ZNF714: variants seen among roughly 807,000 people sequenced by gnomAD.
The protein encoded by ZNF714 is zinc finger protein 714.
A neutral mutation model predicts 46.2 loss-of-function variants in ZNF714; 32 were observed. That is an observed-to-expected ratio of 0.69 (90% CI 0.52 to 0.93). The LOEUF is 0.93. ZNF714 is among the 40% of genes least tolerant of loss of function. The probability of loss-of-function intolerance (pLI) is 0.00; values close to 1 mark genes in which losing one functional copy is unlikely to be tolerated. For missense variants in ZNF714, 635 were observed against 646.3 expected (o/e 0.98, Z 0.19); for synonymous variants, 199 against 213.1 (o/e 0.93, Z 0.58).
At chr19:21,094,760 C>G (rs898701506) in intron 2 of ZNF714, among the ~76,000 whole-genome samples, 15 of 152,202 alleles carry the variant, frequency 9.9e-5, no homozygotes, top group Non-Finnish European at 2.2e-4. Context: ...CTCATGACCT[C>G]AAGTGATCTG....
intron 4 of ZNF714, among the ~76,000 whole-genome samples, chr19:21,116,538 G>A (rs1969599307): frequency 6.6e-6 from 1 of 152,090 alleles, no homozygotes; most frequent in Non-Finnish European, 1.5e-5. Flanking sequence ...CAAAGGTAAT[G>A]GACTTTTCTT....
Position 21,118,729 on chromosome 19 carries a change from C to T in ZNF714, c.*397C>T, listed in dbSNP as rs1969660999. The T allele has an allele frequency of 4.7e-6, 1 of 210,578 alleles. No individual in the cohort carries two copies. Among genetic ancestry groups the T allele is most frequent in the Non-Finnish European group, 9.9e-6 (1 of 100,872 alleles). 13.0% of individuals were successfully genotyped at this position (210,578 alleles called of 1,614,324 possible). ...AATTCTTAACAGACATAACATAATT[C>T]ATACTGGAAAGAAACTCTGCAAACC... On this transcript the variant is annotated 3_prime_UTR_variant, in exon 5 of 5. Coordinates refer to ENST00000456283, the MANE Select transcript of ZNF714 (RefSeq NM_182515.4).
At chr19:21,116,742 G>T in intron 4 of ZNF714, 65 bp from the exon 5 acceptor site, 1 of 1,499,052 alleles carries the variant, frequency 6.7e-7, no homozygotes, top group Non-Finnish European at 8.9e-7. Flanking sequence ...ATATAGGTTA[G>T]ATTTGTAAAG....
intron 4 of ZNF714, among the ~76,000 whole-genome samples, chr19:21,100,544 A>C (rs899947017): frequency 6.6e-6 from 1 of 152,104 alleles, no homozygotes; most frequent in Non-Finnish European, 1.5e-5. Flanking sequence ...ATAAAACAAA[A>C]AGATTTTTTA....
At chr19:21,103,974 G>A (rs1239648520) in intron 4 of ZNF714, among the ~76,000 whole-genome samples, 1 of 152,130 alleles carries the variant, frequency 6.6e-6, no homozygotes, top group African/African-American at 2.4e-5. Flanking sequence ...TACATCTTGT[G>A]AAACTAAAAC....
chr19:21,110,759 TTGTATAAG>T (rs1163477191), intron 4 of ZNF714, among the ~76,000 whole-genome samples: 1 of 152,236 alleles, frequency 6.6e-6, no homozygotes, highest in Non-Finnish European at 1.5e-5. Flanking sequence ...GAGTTAATTT[TTGTATAAG>T]TGTAAGAAAG....
rs967567618 is a variant in ZNF714 at position 21,123,717 on chromosome 19, A to G, written c.*5385A>G. 1 of 152,204 alleles carries G rather than the reference A, an allele frequency of 6.6e-6. No homozygotes were observed. Among genetic ancestry groups the G allele is most frequent in the African/African-American group, 2.4e-5 (1 of 41,444 alleles). The allele number at this position is 152,204 out of a possible 1,614,324, so 9.4% of individuals were successfully genotyped here. On this transcript the variant is annotated 3_prime_UTR_variant, in exon 5 of 5. Transcript: ENST00000456283. ...TTACATTTCCGTGCAGAATCTTTTAAGTGTGGTGGTAAAGATTGCAAAATA... is the reference window on the plus strand; with the variant it reads ...TTACATTTCCGTGCAGAATCTTTTAGGTGTGGTGGTAAAGATTGCAAAATA...
At chr19:21,091,596 C>T (rs1336825471) in intron 2 of ZNF714, 2 of 151,884 alleles carry the variant, frequency 1.3e-5, no homozygotes, top group Middle Eastern at 3.2e-3. Context: ...TTTCCATAAA[C>T]TATTTCTAGA....
Position 21,117,437 on chromosome 19 carries a change from A to G in ZNF714, c.773A>G (p.Lys258Arg), listed in dbSNP as rs1969624600. Reference sequence around the variant, plus strand: ...ATTCATACTGGAGAGAAGCCCTTCAAATGTGAAGAATGTGGTAAAGCTTTT... The same window carrying G: ...ATTCATACTGGAGAGAAGCCCTTCAGATGTGAAGAATGTGGTAAAGCTTTT... ...KVIHTGEKPF[K>R]CEECGKAFNH... The change falls in exon 5 of 5, where the codon AAA becomes AGA. Residue 258 changes from lysine to arginine, a missense_variant. Transcript: ENST00000456283. 1 of 1,612,612 alleles carries G rather than the reference A, an allele frequency of 6.2e-7. No homozygotes were observed. The highest frequency in any genetic ancestry group is 1.1e-5 in the South Asian group (1 of 90,974).
chr19:21,109,406 AT>A lies in ZNF714; in HGVS notation c.143-7400del, dbSNP rs560068246. ...TAGTTTTTTGTACCTTTTTCTGTAG[AT>A]ACAATTTTTTGCCCTGTTGTCTAGG... On this transcript the variant is annotated intron_variant, in intron 4 of 4. Coordinates refer to ENST00000456283, the MANE Select transcript of ZNF714 (RefSeq NM_182515.4). 1.2e-4 allele frequency among the ~76,000 whole-genome samples: 18 copies of A among 152,148 alleles called. No individual in the cohort carries two copies. The East Asian group carries it at 3.3e-3, about 28-fold the overall frequency.
At chr19:21,083,872 GGTC>G in intron 1 of ZNF714, 103 bp from the exon 2 acceptor site, 1 of 426,582 alleles carries the variant, frequency 2.3e-6, no homozygotes, top group Non-Finnish European at 3.7e-6. Flanking sequence ...GTTTTTTTCT[GGTC>G]GTGGGTTTCA....
chr19:21,086,270 C>T (rs1357264356), intron 2 of ZNF714, among the ~76,000 whole-genome samples: 1 of 152,078 alleles, frequency 6.6e-6, no homozygotes, highest in Non-Finnish European at 1.5e-5. Context: ...AATTCAAGCC[C>T]CACAAGAGGG....
chr19:21,103,905 G>GT (rs1234745512), intron 4 of ZNF714, among the ~76,000 whole-genome samples: 3 of 152,048 alleles, frequency 2.0e-5, no homozygotes, highest in Admixed American at 2.0e-4. Flanking sequence ...AAAAGAAGCT[G>GT]TACATTTCAG....
At chr19:21,104,992 TA>T (rs1969276454) in intron 4 of ZNF714, among the ~76,000 whole-genome samples, 1 of 151,728 alleles carries the variant, frequency 6.6e-6, no homozygotes, top group Middle Eastern at 3.2e-3. Context: ...CATTTGGGTA[TA>T]TTTTTTGATG....
intron 2 of ZNF714, among the ~76,000 whole-genome samples, chr19:21,088,816 A>G (rs1270675519): frequency 6.6e-6 from 1 of 152,198 alleles, no homozygotes; most frequent in African/African-American, 2.4e-5. Context: ...CTATGGCTTA[A>G]TAAGTAAACA....
rs942358930 is a variant in ZNF714, at chr19:21,116,734, A to G, written c.143-73A>G. 23 of 1,470,214 alleles carry G rather than the reference A, an allele frequency of 1.6e-5. No individual in the cohort carries two copies. In the South Asian group the frequency reaches 2.7e-4, roughly 17 times the overall value. 91.1% of individuals were successfully genotyped at this position (1,470,214 alleles called of 1,614,324 possible). ...ATCTTGCTTATGTAGTTTGTATAAT[A>G]TAGGTTAGATTTGTAAAGTATGTTT... On this transcript the variant is annotated intron_variant, in intron 4 of 4. Coordinates refer to ENST00000456283, the MANE Select transcript of ZNF714 (RefSeq NM_182515.4).
At position 21,122,172 on chromosome 19, in the gene ZNF714, A is replaced by G. The variant is rs1969714593; in HGVS notation, c.*3840A>G. On this transcript the variant is annotated 3_prime_UTR_variant, in exon 5 of 5. Transcript: ENST00000456283. ...ATAAGTCATGAGGATGTTTTTATATATAAATGTAGCAAACATACATTACAG... is the reference window on the plus strand; with the variant it reads ...ATAAGTCATGAGGATGTTTTTATATGTAAATGTAGCAAACATACATTACAG... 1 of 152,348 alleles carries G rather than the reference A, an allele frequency of 6.6e-6. No individual in the cohort carries two copies. Among genetic ancestry groups the G allele is most frequent in the Middle Eastern group, 3.4e-3 (1 of 294 alleles). The allele number at this position is 152,348 out of a possible 1,614,324, so 9.4% of individuals were successfully genotyped here.
rs61740552 is a variant in ZNF714 at position 21,117,215 on chromosome 19, G to A, written c.551G>A (p.Arg184Gln). The change falls in exon 5 of 5, where the codon CGG (arginine) becomes CAG (glutamine). Residue 184 changes from arginine (R) to glutamine (Q), a missense_variant. Coordinates refer to ENST00000456283, the MANE Select transcript of ZNF714 (RefSeq NM_182515.4). ...QCEECDKVFK[R>Q]FSTLTRHKRV... Reference sequence around the variant, plus strand: ...GAAGAATGTGACAAAGTGTTTAAGCGGTTCTCAACCCTTACTAGACACAAG... The same window carrying A: ...GAAGAATGTGACAAAGTGTTTAAGCAGTTCTCAACCCTTACTAGACACAAG... 3.9e-4 allele frequency: 635 copies of A among 1,613,938 alleles called. 1 individual carries two copies. Among genetic ancestry groups the A allele is most frequent in the Middle Eastern group, 1.7e-3 (10 of 6,058 alleles).
Position 21,117,093 on chromosome 19 carries a change from AC to A in ZNF714, c.431del (p.Pro144LeufsTer78). On this transcript the variant is annotated frameshift_variant, in exon 5 of 5. Coordinates refer to ENST00000456283, the MANE Select transcript of ZNF714 (RefSeq NM_182515.4). LOFTEE classifies it high-confidence loss of function. The part of the protein sequence containing the change: ...RHKTRHTGEK[P>X]FKCKKCDESF... ...ACAAGACAAGACATACTGGAGAGAAACCTTTCAAATGTAAAAAATGTGATGA... is the reference window on the plus strand; with the variant it reads ...ACAAGACAAGACATACTGGAGAGAAACTTTCAAATGTAAAAAATGTGATGA... The A allele has an allele frequency of 6.2e-7, 1 of 1,613,598 alleles. No homozygotes were observed.
Sources: allele counts gnomAD v4.1 joint callset (sites outside exome capture counted in the v4.1 genomes callset), GRCh38; gene constraint gnomAD v4.1.1; transcripts MANE v1.5; gene names NCBI Gene and HGNC (gene_info 2026-07-23, HGNC 2026-07-21).